TIAM1: variants seen among roughly 807,000 people sequenced by gnomAD.
The protein encoded by TIAM1 is rho guanine nucleotide exchange factor TIAM1.
Under a neutral mutation model 163.5 loss-of-function variants are expected in TIAM1, and 65 were observed. The ratio of observed to expected loss-of-function variants is 0.40; its 90% CI spans 0.33 to 0.49. The LOEUF is 0.49. TIAM1 is among the 20% of genes least tolerant of loss of function. The pLI is 0.77. For missense variants in TIAM1, 1,789 were observed against 2,044.7 expected, an observed-to-expected ratio of 0.87 and a Z score of 2.41; for synonymous variants, 833 against 810.1, an observed-to-expected ratio of 1.03 and a Z score of -0.48.
chr21:31,261,321 A>T (rs1247963603), intron 4 of TIAM1, among the ~76,000 whole-genome samples: 2 of 143,898 alleles, frequency 1.4e-5, no homozygotes, highest in Non-Finnish European at 3.0e-5. Flanking sequence ...AAATCTGAGG[A>T]TATTGAGCTG....
At position 31,130,952 on chromosome 21, in the gene TIAM1, G is replaced by C; in HGVS notation, c.3884-4C>G. On this transcript the variant is annotated splice_polypyrimidine_tract_variant and splice_region_variant and intron_variant, in intron 23 of 27. Transcript: ENST00000541036. ...AGGACCACAGCAGTTTTGAAGACTG[G>C]AAAAAATAAAATAAAGACAGTTATG... is the stretch of plus-strand genomic sequence containing the variant. 6.2e-7 allele frequency: 1 copy of C among 1,613,274 alleles called. No individual in the cohort carries two copies. Among genetic ancestry groups the C allele is most frequent in the Middle Eastern group, 1.6e-4 (1 of 6,062 alleles).
At chr21:31,312,365 A>G (rs1479229510) in intron 2 of TIAM1, among the ~76,000 whole-genome samples, 1 of 152,184 alleles carries the variant, frequency 6.6e-6, no homozygotes, top group East Asian at 1.9e-4. Context: ...AGTTAAGCAC[A>G]TAATACTGGT....
chr21:31,349,452 G>A (rs1342612789), intron 2 of TIAM1, among the ~76,000 whole-genome samples: 3 of 152,180 alleles, frequency 2.0e-5, no homozygotes, highest in Admixed American at 1.3e-4. Context: ...TGATTTCAAG[G>A]GCCCTGGGTG....
chr21:31,485,738 C>G (rs1005355312), intron 1 of TIAM1, among the ~76,000 whole-genome samples: 3 of 152,142 alleles, frequency 2.0e-5, no homozygotes, highest in Non-Finnish European at 4.4e-5. Context: ...AACACCACCA[C>G]CACCAACAGC....
At chr21:31,417,798 T>G (rs749649237) in intron 2 of TIAM1, among the ~76,000 whole-genome samples, 1 of 151,938 alleles carries the variant, frequency 6.6e-6, no homozygotes, top group Non-Finnish European at 1.5e-5. Context: ...AAAAGAAACA[T>G]GACAGAACCC....
intron 2 of TIAM1, among the ~76,000 whole-genome samples, chr21:31,321,963 G>A (rs554715479): frequency 6.6e-6 from 1 of 152,136 alleles, no homozygotes; most frequent in South Asian, 2.1e-4. Context: ...TGAGGCACAA[G>A]AATCACTTGA....
intron 2 of TIAM1, among the ~76,000 whole-genome samples, chr21:31,327,769 T>C (rs1289338234): frequency 6.6e-6 from 1 of 151,956 alleles, no homozygotes; most frequent in Non-Finnish European, 1.5e-5. Flanking sequence ...CCAGACTGTG[T>C]GAGCAATAAG....
chr21:31,289,555 G>A lies in TIAM1; in HGVS notation c.-188-12647C>T, dbSNP rs1391895610. On this transcript the variant is annotated intron_variant, in intron 2 of 27. Coordinates refer to ENST00000541036, the MANE Select transcript of TIAM1 (RefSeq NM_001353694.2). Reference sequence around the variant, plus strand: ...AGTGACCTAAGCTCATTTAAAAGCCGGTGCAAGATATTTTGGCTGTACAAC... The same window carrying A: ...AGTGACCTAAGCTCATTTAAAAGCCAGTGCAAGATATTTTGGCTGTACAAC... Among the ~76,000 whole-genome samples the A allele has an allele frequency of 4.6e-5, 7 of 152,194 alleles. No homozygotes were observed. The East Asian group carries it at 9.6e-4, about 21-fold the overall frequency.
chr21:31,400,395 G>A lies in TIAM1; in HGVS notation c.-368-60973C>T, dbSNP rs1306235740. The stretch of plus-strand genomic sequence containing the variant: ...TCTGCCCACCTCAGCCTCTCAAAGT[G>A]CTGGGATTGCAGGCATGAGCCACCG... On this transcript the variant is annotated intron_variant, in intron 2 of 28. Transcript: ENST00000286827. Among the ~76,000 whole-genome samples, 4 of 152,140 alleles carry A rather than the reference G, an allele frequency of 2.6e-5. 1 individual carries two copies. The highest frequency in any genetic ancestry group is 7.2e-5 in the African/African-American group (3 of 41,436).
intron 14 of TIAM1, 58 bp downstream of exon 14, chr21:31,186,943 T>A: frequency 7.0e-7 from 1 of 1,431,192 alleles, no homozygotes; most frequent in East Asian, 2.3e-5. Context: ...CTTCAAAAAC[T>A]AGAGAAGCCC....
Position 31,202,836 on chromosome 21 carries a change from T to C in TIAM1, c.2493+72A>G, listed in dbSNP as rs61250807. 4.5e-3 allele frequency: 6,429 copies of C among 1,422,980 alleles called. 248 individuals carry two copies. The African/African-American group carries it at 0.081, about 18-fold the overall frequency. The allele number at this position is 1,422,980 out of a possible 1,614,324, so 88.1% of individuals were successfully genotyped here. A position where few individuals can be genotyped will look rare whatever the true frequency, so the allele number is the denominator to read the frequency against. On this transcript the variant is annotated intron_variant, in intron 12 of 27. Transcript: ENST00000541036. ...ACTCGTTCCACTCCACCAACTACAATTAACACGAGAACACTCATAATTTGA... is the reference window on the plus strand; with the variant it reads ...ACTCGTTCCACTCCACCAACTACAACTAACACGAGAACACTCATAATTTGA...
At chr21:31,425,613 A>T (rs1363652646) in intron 2 of TIAM1, among the ~76,000 whole-genome samples, 5 of 128,688 alleles carry the variant, frequency 3.9e-5, no homozygotes, top group Admixed American at 1.5e-4. Context: ...TTTTTATTTC[A>T]ATTCCCTCCC....
At chr21:31,305,416 T>TAAAAAAA (rs1242158906) in intron 2 of TIAM1, among the ~76,000 whole-genome samples, 1 of 117,874 alleles carries the variant, frequency 8.5e-6, no homozygotes, top group African/African-American at 3.4e-5. Flanking sequence ...AACTCTGAAA[T>TAAAAAAA]AAAAATAAAA....
At chr21:31,215,615 C>T (rs2087155863) in intron 9 of TIAM1, among the ~76,000 whole-genome samples, 1 of 149,628 alleles carries the variant, frequency 6.7e-6, no homozygotes, top group Non-Finnish European at 1.5e-5. Context: ...TGGTTCATGT[C>T]CTCCTTTTTG....
At chr21:31,528,579 C>A (rs113036550) in intron 1 of TIAM1, among the ~76,000 whole-genome samples, 1 of 151,116 alleles carries the variant, frequency 6.6e-6, no homozygotes, top group South Asian at 2.1e-4. Flanking sequence ...CCGAGGCGGG[C>A]GGATCACATG....
At chr21:31,341,058 T>C (rs1352390450) in intron 1 of TIAM1, among the ~76,000 whole-genome samples, 1 of 152,156 alleles carries the variant, frequency 6.6e-6, no homozygotes, top group Admixed American at 6.5e-5. Flanking sequence ...CACCTTCCAT[T>C]GAGAGAAGTG....
At chr21:31,133,210 G>T (rs1174586458) in intron 23 of TIAM1, among the ~76,000 whole-genome samples, 1 of 152,182 alleles carries the variant, frequency 6.6e-6, no homozygotes, top group East Asian at 1.9e-4. Context: ...TAACGGCTGG[G>T]AATCCACAGA....
chr21:31,458,727 C>G (rs112690785), intron 2 of TIAM1, among the ~76,000 whole-genome samples: 32 of 150,828 alleles, frequency 2.1e-4, no homozygotes, highest in African/African-American at 7.1e-4. Context: ...AGTGCCATGA[C>G]GAGAACAGAG....
chr21:31,527,921 A>G (rs1269145799), intron 1 of TIAM1, among the ~76,000 whole-genome samples: 1 of 152,128 alleles, frequency 6.6e-6, no homozygotes, highest in Non-Finnish European at 1.5e-5. Flanking sequence ...TTCTCCCTAC[A>G]CAAACAGGAA....
Sources: gnomAD v4.1 joint callset for allele counts (sites outside exome capture counted in the v4.1 genomes callset) on GRCh38, gnomAD v4.1.1 for gene constraint, MANE v1.5 for transcripts, NCBI Gene and HGNC (gene_info 2026-07-23, HGNC 2026-07-21) for gene names.